MARK3: variants seen among roughly 807,000 people sequenced by gnomAD.
The protein encoded by MARK3 is microtubule affinity regulating kinase 3, also known as MAP/microtubule affinity-regulating kinase 3.
Under a neutral mutation model 90.1 loss-of-function variants are expected in MARK3, and 46 were observed. The ratio of observed to expected loss-of-function variants is 0.51; its 90% CI spans 0.40 to 0.65. MARK3 has a LOEUF of 0.65. Ranked by LOEUF, MARK3 falls within the 30% of genes least tolerant of loss-of-function variation. The probability of loss-of-function intolerance (pLI) is 0.00; values close to 1 mark genes in which losing one functional copy is unlikely to be tolerated. For synonymous variants in MARK3, 321 were observed against 332.6 expected (o/e 0.97, Z 0.38); for missense variants, 818 against 947.2 (o/e 0.86, Z 1.79).
chr14:103,499,814 T>A (rs931114203), intron 16 of MARK3: 1 of 266,066 alleles, frequency 3.8e-6, no homozygotes, highest in Non-Finnish European at 7.3e-6. Context: ...TGAGGCCGAG[T>A]GTGCTCAGGC....
rs2093066619 is a variant in MARK3, at chr14:103,449,067, A to G, written c.346+100A>G. ...TCTAGAAATGGTAGAGTACACTTCT[A>G]GTAAAATATATATACAAGTTGTTGA... On this transcript the variant is annotated intron_variant, in intron 4 of 17. Transcript: ENST00000429436. 4.0e-6 allele frequency: 5 copies of G among 1,244,552 alleles called. No homozygotes were observed. The Middle Eastern group carries it at 5.7e-4, about 143-fold the overall frequency. The allele number at this position is 1,244,552 out of a possible 1,614,324, so 77.1% of individuals were successfully genotyped here.
At chr14:103,473,342 A>G (rs10141388) in intron 12 of MARK3, among the ~76,000 whole-genome samples, 50,860 of 152,104 alleles carry the variant, frequency 0.33, 8,864 homozygotes, top group Middle Eastern at 0.47. Flanking sequence ...AATTAGTGCA[A>G]GTAAAACTGG....
At chr14:103,472,211 A>G (rs1489935355) in intron 12 of MARK3, among the ~76,000 whole-genome samples, 3 of 146,150 alleles carry the variant, frequency 2.1e-5, no homozygotes, top group Non-Finnish European at 4.5e-5. Flanking sequence ...CTCCGTCTCA[A>G]AAAAAAAAAA....
intron 3 of MARK3, among the ~76,000 whole-genome samples, chr14:103,435,601 G>A (rs1289607127): frequency 1.3e-5 from 2 of 150,122 alleles, no homozygotes; most frequent in African/African-American, 4.9e-5. Context: ...GTAGAGATGG[G>A]GTTTCACCGT....
At chr14:103,487,166 C>T (rs1249620631) in intron 14 of MARK3, among the ~76,000 whole-genome samples, 6 of 151,282 alleles carry the variant, frequency 4.0e-5, no homozygotes, top group Admixed American at 2.6e-4. Flanking sequence ...ATCCACCCGC[C>T]TCAGCCTCCC....
chr14:103,499,479 A>G (rs1046971082), intron 16 of MARK3: 3 of 152,218 alleles, frequency 2.0e-5, no homozygotes, highest in African/African-American at 7.2e-5. Context: ...ATATTTTTTG[A>G]TGGTGATAAT....
At chr14:103,449,661 A>G (rs2093083924) in intron 4 of MARK3, among the ~76,000 whole-genome samples, 1 of 152,188 alleles carries the variant, frequency 6.6e-6, no homozygotes, top group African/African-American at 2.4e-5. Context: ...AAGGAGCGAC[A>G]TGGTCCTACC....
intron 1 of MARK3, among the ~76,000 whole-genome samples, chr14:103,396,280 A>G (rs952855397): frequency 1.2e-4 from 19 of 152,208 alleles, no homozygotes; most frequent in African/African-American, 3.1e-4. Context: ...TGAGAGTTCT[A>G]TAATACAAAT....
At chr14:103,420,267 C>T (rs1222281482) in intron 2 of MARK3, among the ~76,000 whole-genome samples, 2 of 152,008 alleles carry the variant, frequency 1.3e-5, no homozygotes, top group African/African-American at 4.8e-5. Context: ...CTTGCTCTGT[C>T]GCCCAGCCTG....
At chr14:103,390,334 G>GTA (rs1228716259) in intron 1 of MARK3, among the ~76,000 whole-genome samples, 11 of 152,198 alleles carry the variant, frequency 7.2e-5, no homozygotes, top group Non-Finnish European at 1.6e-4. Flanking sequence ...GACTCAGAGA[G>GTA]GTGACAAAGG....
chr14:103,418,693 C>T (rs889272568), intron 2 of MARK3, among the ~76,000 whole-genome samples: 4 of 151,962 alleles, frequency 2.6e-5, no homozygotes, highest in African/African-American at 9.7e-5. Flanking sequence ...TGTTTAGTCA[C>T]GAGTTTGTTG....
intron 2 of MARK3, among the ~76,000 whole-genome samples, chr14:103,417,994 G>A (rs761427488): frequency 4.6e-5 from 7 of 152,030 alleles, no homozygotes; most frequent in African/African-American, 1.7e-4. Flanking sequence ...TCTTGAACCC[G>A]GGAGGCAGAG....
intron 3 of MARK3, among the ~76,000 whole-genome samples, chr14:103,445,955 C>G (rs958096578): frequency 6.6e-6 from 1 of 152,198 alleles, no homozygotes; most frequent in East Asian, 1.9e-4. Context: ...GTAGTTAGTG[C>G]TTTCATGCAG....
intron 2 of MARK3, chr14:103,412,736 G>A (rs1448567445): frequency 1.8e-6 from 1 of 558,792 alleles, no homozygotes. Context: ...CTCATCCAGG[G>A]TGTCGTGAGA....
chr14:103,430,543 A>G (rs1035309235), intron 3 of MARK3, among the ~76,000 whole-genome samples: 15 of 152,228 alleles, frequency 9.9e-5, no homozygotes, highest in Non-Finnish European at 1.9e-4. Context: ...GCTGTGGAGC[A>G]TGCCCTAGCA....
intron 1 of MARK3, among the ~76,000 whole-genome samples, chr14:103,404,870 A>C (rs188907672): frequency 4.5e-4 from 69 of 152,016 alleles, no homozygotes; most frequent in African/African-American, 1.5e-3. Flanking sequence ...CTGAACACTC[A>C]ATTGAACTTC....
chr14:103,426,896 A>T (rs907460658), intron 2 of MARK3, among the ~76,000 whole-genome samples: 5 of 123,090 alleles, frequency 4.1e-5, no homozygotes, highest in Admixed American at 7.5e-5. Context: ...CTATTTAAAA[A>T]AAAAAAAAAA....
chr14:103,405,554 G>T (rs1209899586), intron 2 of MARK3, among the ~76,000 whole-genome samples: 10 of 152,034 alleles, frequency 6.6e-5, no homozygotes, highest in African/African-American at 2.4e-4. Flanking sequence ...TGTTAGCCAG[G>T]ATGGTCTCGA....
At chr14:103,477,999 T>TAAA (rs57130429) in intron 13 of MARK3, among the ~76,000 whole-genome samples, 96,158 of 141,338 alleles carry the variant, frequency 0.68, 33,068 homozygotes, top group East Asian at 0.85. Flanking sequence ...ACCCTGTCCT[T>TAAA]AAAAAAAAAA....
Sources: allele counts gnomAD v4.1 joint callset (sites outside exome capture counted in the v4.1 genomes callset), GRCh38; gene constraint gnomAD v4.1.1; transcripts MANE v1.5; gene names NCBI Gene and HGNC (gene_info 2026-07-23, HGNC 2026-07-21).